Variants in FSTL5 observed in about 807,000 individuals in gnomAD.
The protein encoded by FSTL5 is follistatin-related protein 5.
Under a neutral mutation model 89.1 loss-of-function variants are expected in FSTL5, and 62 were observed. That is an observed-to-expected ratio of 0.70 (90% CI 0.57 to 0.86). The LOEUF (loss-of-function observed/expected upper bound fraction) is 0.86, where lower values mean the gene tolerates loss of function less well. Ranked by LOEUF, FSTL5 falls within the 40% of genes least tolerant of loss-of-function variation. The pLI is 0.00. For synonymous variants in FSTL5, 383 were observed against 346.2 expected (o/e 1.11, Z -1.18); for missense variants, 1,057 against 1,001.6 (o/e 1.06, Z -0.75).
chr4:161,968,565 C>T (rs1330632158), intron 3 of FSTL5, among the ~76,000 whole-genome samples: 2 of 151,938 alleles, frequency 1.3e-5, no homozygotes, highest in East Asian at 3.9e-4. Flanking sequence ...TTAAACTAGA[C>T]ATTTGGAAGA....
chr4:162,082,194 G>A (rs1730127872), intron 2 of FSTL5, among the ~76,000 whole-genome samples: 1 of 151,538 alleles, frequency 6.6e-6, no homozygotes, highest in South Asian at 2.1e-4. Flanking sequence ...TTTTATAGTA[G>A]TTGGAGAATA....
chr4:161,752,664 C>T (rs1007998482), intron 6 of FSTL5, among the ~76,000 whole-genome samples: 12 of 152,022 alleles, frequency 7.9e-5, no homozygotes, highest in Admixed American at 3.3e-4. Context: ...ATGGTGGTGC[C>T]CTGCTTTGGA....
At chr4:161,760,382 G>C (rs982427430) in intron 5 of FSTL5, among the ~76,000 whole-genome samples, 2 of 152,146 alleles carry the variant, frequency 1.3e-5, no homozygotes, top group Non-Finnish European at 2.9e-5. Flanking sequence ...GCTTGAAGCT[G>C]TGCATCACAG....
At chr4:161,461,686 T>C (rs114333048) in intron 13 of FSTL5, among the ~76,000 whole-genome samples, 4,398 of 152,156 alleles carry the variant, frequency 0.029, 149 homozygotes, top group South Asian at 0.11. Flanking sequence ...AGATGTTTCA[T>C]TTAAATTTTT....
intron 12 of FSTL5, among the ~76,000 whole-genome samples, chr4:161,484,965 T>G (rs1292177079): frequency 6.6e-6 from 1 of 151,942 alleles, no homozygotes; most frequent in Admixed American, 6.6e-5. Context: ...ACTAGGAATG[T>G]TTTCTTATCT....
At chr4:161,449,590 C>A (rs1181210604) in intron 15 of FSTL5, among the ~76,000 whole-genome samples, 1 of 152,012 alleles carries the variant, frequency 6.6e-6, no homozygotes, top group Non-Finnish European at 1.5e-5. Flanking sequence ...CTCTAAGTGC[C>A]CTGTATGCCA....
intron 4 of FSTL5, among the ~76,000 whole-genome samples, chr4:161,813,087 C>T (rs1730211145): frequency 6.6e-6 from 1 of 150,486 alleles, no homozygotes; most frequent in African/African-American, 2.4e-5. Flanking sequence ...AGTGCAGTGA[C>T]GCAATCTCGG....
chr4:161,405,434 T>C (rs537118886), intron 15 of FSTL5, among the ~76,000 whole-genome samples: 37 of 152,218 alleles, frequency 2.4e-4, no homozygotes, highest in South Asian at 1.2e-3. Context: ...AAATATTTAC[T>C]GAAAGGTTTC....
intron 2 of FSTL5, among the ~76,000 whole-genome samples, chr4:162,034,936 G>C (rs1361544581): frequency 1.3e-5 from 2 of 152,074 alleles, no homozygotes; most frequent in Admixed American, 6.6e-5. Flanking sequence ...CTCTGTGTTT[G>C]AATTCTGTTC....
At chr4:161,866,713 T>G (rs535069935) in intron 4 of FSTL5, among the ~76,000 whole-genome samples, 1 of 152,072 alleles carries the variant, frequency 6.6e-6, no homozygotes, top group East Asian at 1.9e-4. Flanking sequence ...GCAATCAAAT[T>G]AAAATATAAA....
At chr4:161,767,827 A>G (rs896432201) in intron 5 of FSTL5, among the ~76,000 whole-genome samples, 2 of 152,164 alleles carry the variant, frequency 1.3e-5, no homozygotes, top group African/African-American at 4.8e-5. Context: ...AGAGCCACTC[A>G]GAATTAAAGA....
intron 3 of FSTL5, among the ~76,000 whole-genome samples, chr4:162,001,511 G>C (rs1736462139): frequency 6.6e-6 from 1 of 152,056 alleles, no homozygotes. Context: ...CATTGTACAT[G>C]AAGGGTCTGA....
chr4:161,833,872 T>A (rs1396646242), intron 4 of FSTL5, among the ~76,000 whole-genome samples: 3 of 151,948 alleles, frequency 2.0e-5, no homozygotes, highest in Non-Finnish European at 2.9e-5. Flanking sequence ...GAGCATTTAG[T>A]CCATTTACAT....
At chr4:162,109,355 TCACACAAACAGACA>T in intron 2 of FSTL5, among the ~76,000 whole-genome samples, 1 of 152,054 alleles carries the variant, frequency 6.6e-6, no homozygotes, top group Non-Finnish European at 1.5e-5. Flanking sequence ...ATACACTTTC[TCACACAAACAGACA>T]CACACACATT....
At chr4:161,879,263 A>G (rs750988150) in intron 4 of FSTL5, among the ~76,000 whole-genome samples, 1 of 152,142 alleles carries the variant, frequency 6.6e-6, no homozygotes, top group African/African-American at 2.4e-5. Flanking sequence ...ATTGCTATAA[A>G]ATTGCTTTAA....
intron 4 of FSTL5, among the ~76,000 whole-genome samples, chr4:161,779,812 TA>T (rs59703255): frequency 0.18 from 15,410 of 84,142 alleles, 2,596 homozygotes; most frequent in African/African-American, 0.42. Context: ...TATATATATG[TA>T]TATATATATA....
At chr4:161,791,979 C>G (rs1729491868) in intron 4 of FSTL5, among the ~76,000 whole-genome samples, 1 of 152,144 alleles carries the variant, frequency 6.6e-6, no homozygotes, top group South Asian at 2.1e-4. Context: ...TCCAAGATGG[C>G]CGGTTGGATG....
At chr4:162,049,907 G>A (rs182774254) in intron 2 of FSTL5, among the ~76,000 whole-genome samples, 3 of 152,066 alleles carry the variant, frequency 2.0e-5, no homozygotes, top group East Asian at 1.9e-4. Flanking sequence ...ATGAGAAAAC[G>A]ATAGTTGACA....
At chr4:162,046,873 T>G (rs557586783) in intron 2 of FSTL5, among the ~76,000 whole-genome samples, 9 of 152,266 alleles carry the variant, frequency 5.9e-5, no homozygotes, top group African/African-American at 1.9e-4. Context: ...TCTAATTTAT[T>G]AAGTCTGCAA....
Sources: allele counts gnomAD v4.1 joint callset (sites outside exome capture counted in the v4.1 genomes callset), GRCh38; gene constraint gnomAD v4.1.1; transcripts MANE v1.5; gene names NCBI Gene and HGNC (gene_info 2026-07-23, HGNC 2026-07-21).